Variants in PTPRR observed in about 807,000 individuals in gnomAD.
PTPRR encodes the protein protein tyrosine phosphatase receptor type R.
In PTPRR, 38 loss-of-function variants were observed where a neutral mutation model predicts 77.2. The ratio of observed to expected loss-of-function variants is 0.49; its 90% confidence interval spans 0.38 to 0.65. The LOEUF (loss-of-function observed/expected upper bound fraction) is 0.65, where lower values mean the gene tolerates loss of function less well. PTPRR is among the 30% of genes least tolerant of loss of function. PTPRR has a pLI of 0.00. For synonymous variants in PTPRR, 299 were observed against 283.1 expected, an observed-to-expected ratio of 1.06 and a Z score of -0.57; for missense variants, 744 against 799.2, an observed-to-expected ratio of 0.93 and a Z score of 0.83.
intron 2 of PTPRR, among the ~76,000 whole-genome samples, chr12:70,787,883 C>T (rs537233742): frequency 1.3e-5 from 2 of 152,266 alleles, no homozygotes; most frequent in Non-Finnish European, 2.9e-5. Flanking sequence ...TGTTATTCAT[C>T]ATCAAGGACC....
intron 2 of PTPRR, among the ~76,000 whole-genome samples, chr12:70,807,842 G>C (rs1325770907): frequency 2.6e-5 from 4 of 152,238 alleles, no homozygotes; most frequent in Admixed American, 1.3e-4. Flanking sequence ...AGGACTCTGT[G>C]ATGATTGCGT....
chr12:70,693,964 A>G (rs1379231157), intron 8 of PTPRR, among the ~76,000 whole-genome samples: 1 of 152,132 alleles, frequency 6.6e-6, no homozygotes, highest in Non-Finnish European at 1.5e-5. Flanking sequence ...CAGACATTTT[A>G]CACATACTAT....
chr12:70,911,554 C>T (rs1250151926), intron 1 of PTPRR, among the ~76,000 whole-genome samples: 1 of 152,118 alleles, frequency 6.6e-6, no homozygotes, highest in African/African-American at 2.4e-5. Context: ...TTTTATTTCA[C>T]ATTCATTTAA....
At chr12:70,815,133 C>CAA (rs368833751) in intron 2 of PTPRR, among the ~76,000 whole-genome samples, 7,570 of 138,874 alleles carry the variant, frequency 0.055, 395 homozygotes, top group African/African-American at 0.13. Context: ...GATAAGATAT[C>CAA]AAAAAAAAAA....
intron 2 of PTPRR, among the ~76,000 whole-genome samples, chr12:70,769,896 A>G (rs1350417447): frequency 6.6e-6 from 1 of 152,186 alleles, no homozygotes; most frequent in Non-Finnish European, 1.5e-5. Flanking sequence ...CCTGACAAAA[A>G]CAAGCAATGG....
At chr12:70,834,331 C>G (rs1274161741) in intron 2 of PTPRR, among the ~76,000 whole-genome samples, 1 of 152,170 alleles carries the variant, frequency 6.6e-6, no homozygotes, top group Non-Finnish European at 1.5e-5. Context: ...TCATGAATGA[C>G]AATGTTGTGA....
At chr12:70,789,040 T>A in intron 2 of PTPRR, 1 of 499,940 alleles carries the variant, frequency 2.0e-6, no homozygotes, top group South Asian at 4.8e-5. Flanking sequence ...CCAAGAGATA[T>A]CCCAGGTGCT....
intron 10 of PTPRR, among the ~76,000 whole-genome samples, chr12:70,679,950 T>C (rs1240413791): frequency 1.3e-5 from 2 of 152,220 alleles, no homozygotes; most frequent in African/African-American, 2.4e-5. Context: ...GTTTTCTAGA[T>C]ACTTTGTTTC....
intron 2 of PTPRR, among the ~76,000 whole-genome samples, chr12:70,879,592 CT>C (rs1252766528): frequency 1.3e-5 from 2 of 152,118 alleles, no homozygotes; most frequent in Admixed American, 1.3e-4. Flanking sequence ...GATGTTGGGG[CT>C]TGCTGAGCAA....
intron 1 of PTPRR, among the ~76,000 whole-genome samples, chr12:70,916,327 G>T (rs980615967): frequency 6.6e-6 from 1 of 151,956 alleles, no homozygotes; most frequent in African/African-American, 2.4e-5. Flanking sequence ...AAATATGGCT[G>T]GAGAGAGGTA....
intron 10 of PTPRR, among the ~76,000 whole-genome samples, chr12:70,675,194 A>G (rs887835933): frequency 4.6e-5 from 7 of 151,802 alleles, no homozygotes; most frequent in African/African-American, 1.7e-4. Context: ...CCATTTTAAC[A>G]TTTCTGTGTC....
At chr12:70,918,985 A>G (rs908299901) in intron 1 of PTPRR, among the ~76,000 whole-genome samples, 2 of 152,142 alleles carry the variant, frequency 1.3e-5, no homozygotes, top group Non-Finnish European at 2.9e-5. Flanking sequence ...ACTATTGAAA[A>G]CTCCACAATA....
chr12:70,901,478 C>T (rs532447609), intron 1 of PTPRR, among the ~76,000 whole-genome samples: 3 of 151,610 alleles, frequency 2.0e-5, no homozygotes, highest in Admixed American at 6.6e-5. Context: ...AAATGATCTT[C>T]GATAAAGCAA....
Position 70,907,126 on chromosome 12 carries a change from T to C in PTPRR, c.58+13207A>G, listed in dbSNP as rs1023095301. The C allele has an allele frequency of 2.6e-5, 4 of 152,320 alleles. No individual in the cohort carries two copies. In the South Asian group the frequency reaches 8.3e-4, roughly 32 times the overall value. 9.4% of individuals were successfully genotyped at this position (152,320 alleles called of 1,614,324 possible). A position where few individuals can be genotyped will look rare whatever the true frequency, so the allele number is the denominator to read the frequency against. On this transcript the variant is annotated intron_variant, in intron 1 of 13. Coordinates refer to ENST00000283228, the MANE Select transcript of PTPRR (RefSeq NM_002849.4). ...GAAAATATAATTCTACCAGGAAGTG[T>C]TGTGACATTCTTTAATATTATTTAA... is the stretch of plus-strand genomic sequence containing the variant.
intron 2 of PTPRR, among the ~76,000 whole-genome samples, chr12:70,785,146 C>A (rs530360560): frequency 6.6e-6 from 1 of 152,316 alleles, no homozygotes; most frequent in South Asian, 2.1e-4. Context: ...ACATGCAACT[C>A]AAATCCTAAA....
At chr12:70,901,281 T>G (rs1267661573) in intron 1 of PTPRR, among the ~76,000 whole-genome samples, 3 of 151,474 alleles carry the variant, frequency 2.0e-5, no homozygotes, top group African/African-American at 7.3e-5. Flanking sequence ...TTAAAATGAA[T>G]TGTCAAAGAG....
intron 2 of PTPRR, among the ~76,000 whole-genome samples, chr12:70,804,155 G>GTGTGTGTGTC (rs1375029647): frequency 6.6e-6 from 1 of 151,364 alleles, no homozygotes; most frequent in Non-Finnish European, 1.5e-5. Flanking sequence ...GTGTGTGTGT[G>GTGTGTGTGTC]TGTGTGTGTG....
At chr12:70,755,789 C>T (rs1208231664) in intron 4 of PTPRR, among the ~76,000 whole-genome samples, 1 of 151,986 alleles carries the variant, frequency 6.6e-6, no homozygotes, top group African/African-American at 2.4e-5. Flanking sequence ...AACCAAGTAC[C>T]CTGCTGCAAA....
At chr12:70,793,514 A>G (rs1891456614) in intron 2 of PTPRR, among the ~76,000 whole-genome samples, 1 of 152,178 alleles carries the variant, frequency 6.6e-6, no homozygotes, top group African/African-American at 2.4e-5. Context: ...GGGATGCTCG[A>G]GACATTTTGT....
Sources: gnomAD v4.1 joint callset for allele counts (sites outside exome capture counted in the v4.1 genomes callset) on GRCh38, gnomAD v4.1.1 for gene constraint, MANE v1.5 for transcripts, NCBI Gene and HGNC (gene_info 2026-07-23, HGNC 2026-07-21) for gene names.